Variants in PCLO observed in about 807,000 individuals in gnomAD.
PCLO encodes protein piccolo.
A neutral mutation model predicts 427.5 loss-of-function variants in PCLO; 82 were observed. The observed-to-expected ratio is 0.19, with a 90% CI of 0.16 to 0.23. The LOEUF is 0.23. Among genes scored for constraint, PCLO ranks in the 10% least tolerant of loss-of-function variants. The pLI is 1.00. For synonymous variants in PCLO, 2,357 were observed against 2,155.4 expected (o/e 1.09, Z -2.59); for missense variants, 6,239 against 6,115.9 (o/e 1.02, Z -0.67).
intron 3 of PCLO, among the ~76,000 whole-genome samples, chr7:82,985,791 A>T (rs1285337972): frequency 6.6e-6 from 1 of 151,976 alleles, no homozygotes; most frequent in African/African-American, 2.4e-5. Context: ...TATTAAAAAT[A>T]TCTCACAGTA....
At chr7:83,002,557 A>G (rs1787850184) in intron 3 of PCLO, among the ~76,000 whole-genome samples, 1 of 151,976 alleles carries the variant, frequency 6.6e-6, no homozygotes, top group African/African-American at 2.4e-5. Flanking sequence ...TTTTTAAATG[A>G]GAATTCTAAA....
intron 3 of PCLO, among the ~76,000 whole-genome samples, chr7:83,102,422 A>G (rs897031129): frequency 9.2e-5 from 14 of 152,012 alleles, no homozygotes; most frequent in East Asian, 1.9e-4. Context: ...AATGGTTATT[A>G]TATTTCATGT....
intron 22 of PCLO, among the ~76,000 whole-genome samples, chr7:82,788,530 G>C (rs946959651): frequency 6.6e-5 from 10 of 151,806 alleles, no homozygotes; most frequent in Non-Finnish European, 1.3e-4. Context: ...TTTTGATTAA[G>C]CCTGCTTTTC....
At chr7:82,813,017 A>G (rs774349901) in intron 20 of PCLO, among the ~76,000 whole-genome samples, 1 of 151,712 alleles carries the variant, frequency 6.6e-6, no homozygotes, top group Non-Finnish European at 1.5e-5. Context: ...TTCTTACATA[A>G]TCCTGAAACT....
chr7:82,771,416 A>C lies in PCLO; in HGVS notation c.15008-9923T>G, dbSNP rs567407983. On this transcript the variant is annotated intron_variant, in intron 22 of 24. Coordinates refer to ENST00000333891, the MANE Select transcript of PCLO (RefSeq NM_033026.6). ...GGTTTTCAAGTAAAAAAAAATTTTC[A>C]CCCTTCAAATTTTTCAAGAAATATA... Among the ~76,000 whole-genome samples, 15 of 152,110 alleles carry C rather than the reference A, an allele frequency of 9.9e-5. 1 individual carries two copies. Among genetic ancestry groups the C allele is most frequent in the Admixed American group, 5.9e-4 (9 of 15,248 alleles).
At chr7:82,883,194 C>A (rs1410605471) in intron 9 of PCLO, among the ~76,000 whole-genome samples, 1 of 151,670 alleles carries the variant, frequency 6.6e-6, no homozygotes, top group African/African-American at 2.4e-5. Context: ...ATTGGTTGGG[C>A]TAAAGAAGAA....
At chr7:83,041,172 G>A (rs952800639) in intron 3 of PCLO, among the ~76,000 whole-genome samples, 1 of 152,076 alleles carries the variant, frequency 6.6e-6, no homozygotes, top group Non-Finnish European at 1.5e-5. Context: ...AAAAAATAAA[G>A]TGTATCCTTT....
chr7:82,801,613 T>A, intron 21 of PCLO, 22 bp from the exon 22 acceptor site: 1 of 1,425,420 alleles, frequency 7.0e-7, no homozygotes, highest in Non-Finnish European at 9.9e-7. Context: ...TAAAATAAAA[T>A]GATATATTCA....
rs2116259049 is a variant in PCLO, at chr7:82,914,701, T to C, written c.13285A>G (p.Met4429Val). 1.9e-6 allele frequency: 3 copies of C among 1,613,182 alleles called. No homozygotes were observed. Among genetic ancestry groups the C allele is most frequent in the Non-Finnish European group, 2.5e-6 (3 of 1,179,560 alleles). The change falls in exon 7 of 25, where the codon ATG (methionine) becomes GTG (valine). Residue 4429 changes from methionine (M) to valine (V), a missense_variant. Met to Val is a conservative substitution (Grantham distance 21, BLOSUM62 1). Coordinates refer to ENST00000333891, the MANE Select transcript of PCLO (RefSeq NM_033026.6). ...AFIMDDFQHA[M>V]SDSEAYHLRR... ...CCCAATTTACCTTCACTGTCTGACA[T>C]GGCATGTTGGAAGTCATCCATGATG...
intron 18 of PCLO, among the ~76,000 whole-genome samples, chr7:82,826,085 G>C (rs565973677): frequency 1.7e-3 from 251 of 151,346 alleles, no homozygotes; most frequent in African/African-American, 5.6e-3. Flanking sequence ...TCTGATACAG[G>C]CATACAATTA....
At chr7:83,013,764 T>C (rs1345329513) in intron 3 of PCLO, among the ~76,000 whole-genome samples, 1 of 152,210 alleles carries the variant, frequency 6.6e-6, no homozygotes, top group Admixed American at 6.5e-5. Context: ...GGATTTAAAA[T>C]GGAACGTTTG....
chr7:82,772,370 T>TATC (rs1790665413), intron 22 of PCLO, among the ~76,000 whole-genome samples: 2 of 152,162 alleles, frequency 1.3e-5, no homozygotes, highest in Non-Finnish European at 1.5e-5. Flanking sequence ...TTTATATGTA[T>TATC]ATCAGAGCCT....
intron 10 of PCLO, among the ~76,000 whole-genome samples, chr7:82,856,847 G>C (rs1022129660): frequency 1.3e-5 from 2 of 152,044 alleles, no homozygotes; most frequent in South Asian, 4.1e-4. Flanking sequence ...TATGGTATTG[G>C]GGGGTGGGTA....
In PCLO at chr7:82,915,073, T is replaced by C. The variant is rs778708214; in HGVS notation, c.12913A>G (p.Ile4305Val). The change falls in exon 7 of 25, where the codon ATT becomes GTT. Residue 4305 changes from isoleucine to valine, a missense_variant. Ile to Val is a conservative substitution (Grantham distance 29). Transcript: ENST00000333891. ...GAAGAGCTAGAAGAATCCCTTTTAATTGATAAATCAAGCCCATAGACAGAG... is the reference window on the plus strand; with the variant it reads ...GAAGAGCTAGAAGAATCCCTTTTAACTGATAAATCAAGCCCATAGACAGAG... Reference protein sequence around the residue: ...PSSVYGLDLSIKRDSSSSSLR... With the variant: ...PSSVYGLDLSVKRDSSSSSLR... The C allele has an allele frequency of 1.1e-5, 18 of 1,609,618 alleles. No homozygotes were observed. Among genetic ancestry groups the C allele is most frequent in the Admixed American group, 3.4e-5 (2 of 59,124 alleles).
At chr7:83,078,077 C>A (rs1316310306) in intron 3 of PCLO, among the ~76,000 whole-genome samples, 1 of 152,102 alleles carries the variant, frequency 6.6e-6, no homozygotes, top group Non-Finnish European at 1.5e-5. Context: ...GCCTTCTGTG[C>A]TCTTGAGTCC....
Position 83,154,889 on chromosome 7 carries a change from G to A in PCLO, c.1752C>T (p.Leu584=). The stretch of plus-strand genomic sequence containing the variant: ...TGCAAAGAGGACAGATGGTTTTAGG[G>A]AGGCCTTGTGAAGGAGGCTGTTTTG... The part of the protein sequence containing the change: ...PSAKQPPSQG[L]PKTICPLCNT... The change falls in exon 2 of 25, where the codon CTC becomes CTT. Residue 584 remains leucine (L), a synonymous_variant. Transcript: ENST00000333891. 2 of 1,614,040 alleles carry A rather than the reference G, an allele frequency of 1.2e-6. No homozygotes were observed. The highest frequency in any genetic ancestry group is 1.6e-4 in the Middle Eastern group (1 of 6,062).
chr7:82,879,704 C>A, intron 9 of PCLO: 1 of 434,380 alleles, frequency 2.3e-6, no homozygotes, highest in Non-Finnish European at 4.2e-6. Flanking sequence ...TTTTCTAATT[C>A]AGCCATATTC....
intron 3 of PCLO, among the ~76,000 whole-genome samples, chr7:83,000,040 A>G (rs1294043930): frequency 5.7e-5 from 5 of 87,740 alleles, no homozygotes; most frequent in African/African-American, 3.3e-4. Context: ...ATAAATGCCA[A>G]AAAACAAAAA....
intron 6 of PCLO, among the ~76,000 whole-genome samples, chr7:82,948,556 T>C (rs1293079037): frequency 2.0e-5 from 3 of 152,130 alleles, no homozygotes; most frequent in East Asian, 3.9e-4. Flanking sequence ...AACTTCTAAT[T>C]TGAACAGAAG....
Sources: gnomAD v4.1 joint callset for allele counts (sites outside exome capture counted in the v4.1 genomes callset) on GRCh38, gnomAD v4.1.1 for gene constraint, MANE v1.5 for transcripts, NCBI Gene and HGNC (gene_info 2026-07-23, HGNC 2026-07-21) for gene names.